TCF7L1: variants seen among roughly 807,000 people sequenced by gnomAD.
The protein encoded by TCF7L1 is transcription factor 7-like 1.
In TCF7L1, 18 loss-of-function variants were observed where a neutral mutation model predicts 63.7. That is an observed-to-expected ratio of 0.28 (90% CI 0.20 to 0.42). The LOEUF (loss-of-function observed/expected upper bound fraction) is 0.42, where lower values mean the gene tolerates loss of function less well. Among genes scored for constraint, TCF7L1 ranks in the 10% least tolerant of loss-of-function variants. TCF7L1 has a pLI of 1.00. For missense variants in TCF7L1, 654 were observed against 779.3 expected, an observed-to-expected ratio of 0.84 and a Z score of 1.91; for synonymous variants, 355 against 340.9, an observed-to-expected ratio of 1.04 and a Z score of -0.46.
chr2:85,158,895 C>T (rs549643448), intron 3 of TCF7L1, among the ~76,000 whole-genome samples: 65 of 152,324 alleles, frequency 4.3e-4, no homozygotes, highest in African/African-American at 1.5e-3. Flanking sequence ...TGTTTGTCCT[C>T]GGAAGGTTTG....
chr2:85,212,612 C>T (rs928458753), intron 3 of TCF7L1, among the ~76,000 whole-genome samples: 36 of 152,230 alleles, frequency 2.4e-4, no homozygotes, highest in African/African-American at 8.7e-4. Flanking sequence ...GGCAGGGGGA[C>T]AGCAAGAGTA....
chr2:85,289,252 G>GTA (rs1478977210), intron 4 of TCF7L1, among the ~76,000 whole-genome samples: 2 of 151,376 alleles, frequency 1.3e-5, no homozygotes, highest in African/African-American at 2.4e-5. Flanking sequence ...GTGTGTGTGT[G>GTA]TATACTTATA....
chr2:85,176,132 T>G (rs368528405), intron 3 of TCF7L1, among the ~76,000 whole-genome samples: 2 of 152,240 alleles, frequency 1.3e-5, no homozygotes, highest in Non-Finnish European at 2.9e-5. Flanking sequence ...TAGGGCATAC[T>G]GGGGTGAGCC....
At chr2:85,206,666 A>G (rs1165616378) in intron 3 of TCF7L1, among the ~76,000 whole-genome samples, 4 of 152,118 alleles carry the variant, frequency 2.6e-5, no homozygotes, top group Admixed American at 1.3e-4. Flanking sequence ...CATCCAACAT[A>G]TTTGAGGGAT....
chr2:85,285,776 C>G (rs996336458), intron 4 of TCF7L1, among the ~76,000 whole-genome samples: 5 of 152,242 alleles, frequency 3.3e-5, no homozygotes, highest in Admixed American at 1.3e-4. Context: ...TCCTCTACCT[C>G]TCCTGTGCCG....
Position 85,133,591 on chromosome 2 carries a change from C to G in TCF7L1, c.-94C>G, listed in dbSNP as rs1439216720. Reference sequence around the variant, plus strand: ...TTGTTGCGGCGGCTAGCGCAGCGGGCCCGCAAGCGGGCGGGAGGGGCGCCG... The same window carrying G: ...TTGTTGCGGCGGCTAGCGCAGCGGGGCCGCAAGCGGGCGGGAGGGGCGCCG... On this transcript the variant is annotated 5_prime_UTR_variant, in exon 1 of 12. Transcript: ENST00000282111. This position sits in a 1 kb window ranked among gnomAD's most constrained non-coding sequence, Gnocchi z 4.4. The G allele has an allele frequency of 2.8e-6, 1 of 361,182 alleles. No homozygotes were observed. The highest frequency in any genetic ancestry group is 2.2e-5 in the African/African-American group (1 of 44,972). 22.4% of individuals were successfully genotyped at this position (361,182 alleles called of 1,614,324 possible). A position where few individuals can be genotyped will look rare whatever the true frequency, so the allele number is the denominator to read the frequency against.
chr2:85,285,963 A>C (rs1164011500), intron 4 of TCF7L1, among the ~76,000 whole-genome samples: 1 of 152,178 alleles, frequency 6.6e-6, no homozygotes, highest in East Asian at 1.9e-4. Context: ...AAGCTGAGGC[A>C]GGCAGATAAC....
intron 3 of TCF7L1, among the ~76,000 whole-genome samples, chr2:85,220,619 C>G (rs535538519): frequency 6.6e-6 from 1 of 152,258 alleles, no homozygotes; most frequent in East Asian, 1.9e-4. Context: ...CCACCTCAGC[C>G]TCCCAAAGTG....
chr2:85,149,994 G>A (rs1307252858), intron 3 of TCF7L1, among the ~76,000 whole-genome samples: 1 of 152,186 alleles, frequency 6.6e-6, no homozygotes, highest in Non-Finnish European at 1.5e-5. Context: ...TCGCCAAAGT[G>A]TAATTACTGA....
chr2:85,255,407 G>T (rs1209229672), intron 3 of TCF7L1, among the ~76,000 whole-genome samples: 2 of 152,100 alleles, frequency 1.3e-5, no homozygotes, highest in African/African-American at 4.8e-5. Context: ...ATGCCTGTGT[G>T]CACACCTGCA....
At position 85,134,656 on chromosome 2, in the gene TCF7L1, C is replaced by T. The variant is rs1334178440; in HGVS notation, c.441+206C>T. ...GAAAGTAAAGTTACTTTAACTTTTCCCCTCTTGCGGGTTGAGGTTTTGGAG... is the reference window on the plus strand; with the variant it reads ...GAAAGTAAAGTTACTTTAACTTTTCTCCTCTTGCGGGTTGAGGTTTTGGAG... On this transcript the variant is annotated intron_variant, in intron 3 of 11. Coordinates refer to ENST00000282111, the MANE Select transcript of TCF7L1 (RefSeq NM_031283.3). This position sits in a 1 kb window ranked among gnomAD's most constrained non-coding sequence, Gnocchi z 5.0. Among the ~76,000 whole-genome samples, 2 of 152,234 alleles carry T rather than the reference C, an allele frequency of 1.3e-5. No homozygotes were observed. The highest frequency in any genetic ancestry group is 1.9e-4 in the East Asian group (1 of 5,188).
At chr2:85,223,855 G>T (rs1249081795) in intron 3 of TCF7L1, among the ~76,000 whole-genome samples, 2 of 152,038 alleles carry the variant, frequency 1.3e-5, no homozygotes, top group Non-Finnish European at 2.9e-5. Context: ...TTGTTACATA[G>T]GTATACATGT....
At chr2:85,150,511 C>T (rs377739850) in intron 3 of TCF7L1, among the ~76,000 whole-genome samples, 33 of 151,998 alleles carry the variant, frequency 2.2e-4, no homozygotes, top group African/African-American at 7.3e-4. Flanking sequence ...GTATTACAGG[C>T]GTGAGCCACC....
chr2:85,245,930 G>A (rs1323004538), intron 3 of TCF7L1, among the ~76,000 whole-genome samples: 2 of 152,080 alleles, frequency 1.3e-5, no homozygotes, highest in African/African-American at 2.4e-5. Context: ...CTTGGGCAGT[G>A]CAGTGCCGGT....
At chr2:85,236,044 T>C (rs1280453853) in intron 3 of TCF7L1, among the ~76,000 whole-genome samples, 2 of 152,102 alleles carry the variant, frequency 1.3e-5, no homozygotes, top group African/African-American at 4.8e-5. Flanking sequence ...CCTCAGCTAC[T>C]TGGGGAGCTG....
intron 4 of TCF7L1, among the ~76,000 whole-genome samples, chr2:85,286,463 G>A (rs995483041): frequency 9.9e-5 from 15 of 152,086 alleles, no homozygotes; most frequent in Non-Finnish European, 2.1e-4. Context: ...GATTGCTTGA[G>A]GCCAGGAGTT....
At chr2:85,185,322 A>G (rs1170501871) in intron 3 of TCF7L1, among the ~76,000 whole-genome samples, 1 of 151,780 alleles carries the variant, frequency 6.6e-6, no homozygotes, top group Non-Finnish European at 1.5e-5. Flanking sequence ...CAGTGGTGCT[A>G]TCGTAGCTCA....
At chr2:85,302,825 T>C (rs895789368) in intron 5 of TCF7L1, among the ~76,000 whole-genome samples, 4 of 152,136 alleles carry the variant, frequency 2.6e-5, no homozygotes, top group African/African-American at 9.7e-5. Context: ...AGGGTCACGA[T>C]AAGGCCCACA....
chr2:85,231,617 T>C (rs1298031642), intron 3 of TCF7L1, among the ~76,000 whole-genome samples: 1 of 152,186 alleles, frequency 6.6e-6, no homozygotes, highest in East Asian at 1.9e-4. Flanking sequence ...CACCAGTCCC[T>C]GGGCACCAGG....
Sources: allele counts gnomAD v4.1 joint callset (sites outside exome capture counted in the v4.1 genomes callset), GRCh38; gene constraint gnomAD v4.1.1; non-coding constraint Gnocchi (gnomAD v3.1); transcripts MANE v1.5; gene names NCBI Gene and HGNC (gene_info 2026-07-23, HGNC 2026-07-21).